CXCL13: variants seen among roughly 807,000 people sequenced by gnomAD.
CXCL13 encodes the protein C-X-C motif chemokine 13.
A neutral mutation model predicts 12.2 loss-of-function variants in CXCL13; 7 were observed. That is an observed-to-expected ratio of 0.57 (90% CI 0.33 to 1.07). CXCL13 has a LOEUF of 1.07. CXCL13 is among the 50% of genes least tolerant of loss of function. The probability of loss-of-function intolerance (pLI) is 0.04; values close to 1 mark genes in which losing one functional copy is unlikely to be tolerated. For synonymous variants in CXCL13, 47 were observed against 42.4 expected (o/e 1.11, Z -0.42); for missense variants, 113 against 127.4 (o/e 0.89, Z 0.55).
chr4:77,519,719 T>G (rs4260564), intron 1 of CXCL13, among the ~76,000 whole-genome samples: 4,307 of 152,288 alleles, frequency 0.028, 205 homozygotes, highest in African/African-American at 0.099. Flanking sequence ...TTTAGTTTAA[T>G]TAGATCTCAT....
chr4:77,533,519 T>C (rs1373204011), intron 1 of CXCL13, among the ~76,000 whole-genome samples: 1 of 152,206 alleles, frequency 6.6e-6, no homozygotes, highest in Non-Finnish European at 1.5e-5. Flanking sequence ...CATTCTCAGA[T>C]GTCCAGCTCC....
At chr4:77,548,025 G>GA (rs1008968107) in intron 1 of CXCL13, among the ~76,000 whole-genome samples, 5 of 151,820 alleles carry the variant, frequency 3.3e-5, no homozygotes, top group Non-Finnish European at 7.4e-5. Flanking sequence ...ATTCTGGGTT[G>GA]AAAAAAAATT....
At chr4:77,525,913 TG>T (rs199725040) in intron 1 of CXCL13, among the ~76,000 whole-genome samples, 146 of 117,492 alleles carry the variant, frequency 1.2e-3, no homozygotes, top group African/African-American at 7.6e-3. Context: ...TTTTAAATTG[TG>T]GGTTTGTTTT....
chr4:77,541,099 T>C (rs1725197213), intron 1 of CXCL13, among the ~76,000 whole-genome samples: 1 of 152,068 alleles, frequency 6.6e-6, no homozygotes. Flanking sequence ...CTTAATGGGG[T>C]TATTTTCTTT....
intron 1 of CXCL13, among the ~76,000 whole-genome samples, chr4:77,532,268 C>A (rs1724946587): frequency 6.6e-6 from 1 of 152,122 alleles, no homozygotes; most frequent in African/African-American, 2.4e-5. Flanking sequence ...TCAGCATTTG[C>A]TTGTCTGTAA....
At chr4:77,529,321 C>A (rs1040546243) in intron 1 of CXCL13, among the ~76,000 whole-genome samples, 3 of 152,166 alleles carry the variant, frequency 2.0e-5, no homozygotes, top group Non-Finnish European at 4.4e-5. Context: ...TGAAGAAAGT[C>A]ATTGGTAGCT....
intron 1 of CXCL13, among the ~76,000 whole-genome samples, chr4:77,563,203 C>A (rs1163516031): frequency 1.3e-5 from 2 of 152,044 alleles, no homozygotes; most frequent in African/African-American, 2.4e-5. Context: ...GTAACGCTCA[C>A]CGGGAGGGTC....
At chr4:77,529,869 T>G (rs1240159504) in intron 1 of CXCL13, among the ~76,000 whole-genome samples, 2 of 152,222 alleles carry the variant, frequency 1.3e-5, no homozygotes, top group Non-Finnish European at 2.9e-5. Context: ...TCAAAGGGAA[T>G]GGTTCTAGTT....
intron 1 of CXCL13, among the ~76,000 whole-genome samples, chr4:77,562,228 C>A (rs1031963258): frequency 3.3e-5 from 5 of 149,852 alleles, no homozygotes; most frequent in Non-Finnish European, 7.4e-5. Context: ...AACCCCCACC[C>A]CACCATGGGC....
chr4:77,533,019 GTCT>G (rs1390961270), intron 1 of CXCL13, among the ~76,000 whole-genome samples: 2 of 137,448 alleles, frequency 1.5e-5, no homozygotes, highest in African/African-American at 3.6e-5. Flanking sequence ...ATCGTCTGAA[GTCT>G]TCTTCTCTCA....
chr4:77,561,728 A>G (rs1725819172), intron 1 of CXCL13, among the ~76,000 whole-genome samples: 1 of 152,210 alleles, frequency 6.6e-6, no homozygotes, highest in African/African-American at 2.4e-5. Flanking sequence ...GTGTGCTGGC[A>G]GCCCTTGCAG....
Position 77,611,251 on chromosome 4 carries a change from T to A in CXCL13, c.*212T>A, listed in dbSNP as rs1399381355. ...TATACACTTGGAGTTTGCATTCTTA[T>A]TCATCAGGGAGGAAAGTTTCTTTGA... On this transcript the variant is annotated 3_prime_UTR_variant, in exon 4 of 4. Transcript: ENST00000682537. 7 of 434,780 alleles carry A rather than the reference T, an allele frequency of 1.6e-5. No individual in the cohort carries two copies. In the Admixed American group the frequency reaches 2.7e-4, roughly 17 times the overall value. 26.9% of individuals were successfully genotyped at this position (434,780 alleles called of 1,614,324 possible).
intron 1 of CXCL13, among the ~76,000 whole-genome samples, chr4:77,514,028 T>G: frequency 6.6e-6 from 1 of 152,150 alleles, no homozygotes; most frequent in East Asian, 1.9e-4. Flanking sequence ...ATTGTTCAAT[T>G]CCCACCTATG....
In CXCL13 at chr4:77,611,250, A is replaced by G; in HGVS notation, c.*211A>G. On this transcript the variant is annotated 3_prime_UTR_variant, in exon 4 of 4. Coordinates refer to ENST00000682537, the MANE Select transcript of CXCL13 (RefSeq NM_001371558.1). ...ATATACACTTGGAGTTTGCATTCTT[A>G]TTCATCAGGGAGGAAAGTTTCTTTG... 1 of 436,056 alleles carries G rather than the reference A, an allele frequency of 2.3e-6. No individual in the cohort carries two copies. The allele number at this position is 436,056 out of a possible 1,614,324, so 27.0% of individuals were successfully genotyped here.
chr4:77,550,625 G>A (rs1461470907), intron 1 of CXCL13, among the ~76,000 whole-genome samples: 4 of 152,320 alleles, frequency 2.6e-5, no homozygotes, highest in African/African-American at 4.8e-5. Flanking sequence ...TTCTGTAGAT[G>A]TCCTAGGTCC....
At chr4:77,532,949 T>TC (rs201060901) in intron 1 of CXCL13, among the ~76,000 whole-genome samples, 2,957 of 152,278 alleles carry the variant, frequency 0.019, 93 homozygotes, top group African/African-American at 0.052. Context: ...TAATTTTTTT[T>TC]TAGGTTTTTA....
intron 1 of CXCL13, among the ~76,000 whole-genome samples, chr4:77,574,020 C>A (rs1015110185): frequency 6.6e-6 from 1 of 152,028 alleles, no homozygotes; most frequent in Admixed American, 6.5e-5. Flanking sequence ...AAACAAAGGG[C>A]TTGCTTAAAA....
chr4:77,588,502 C>G (rs1726533267), intron 1 of CXCL13, among the ~76,000 whole-genome samples: 1 of 152,232 alleles, frequency 6.6e-6, no homozygotes, highest in Non-Finnish European at 1.5e-5. Context: ...TAGCACATCA[C>G]TGACAATGCT....
chr4:77,544,027 G>A (rs550439196), intron 1 of CXCL13, among the ~76,000 whole-genome samples: 3 of 150,812 alleles, frequency 2.0e-5, no homozygotes, highest in South Asian at 2.1e-4. Flanking sequence ...GATATTTTGC[G>A]AGAATGATGG....
Sources: gnomAD v4.1 joint callset for allele counts (sites outside exome capture counted in the v4.1 genomes callset) on GRCh38, gnomAD v4.1.1 for gene constraint, MANE v1.5 for transcripts, NCBI Gene and HGNC (gene_info 2026-07-23, HGNC 2026-07-21) for gene names.